The following CCDC91 variants were observed in gnomAD, a reference collection of about 807,000 sequenced individuals.
CCDC91 encodes coiled-coil domain-containing protein 91.
CCDC91 carries 48 observed loss-of-function variants against 63.2 expected under a neutral mutation model. That is an observed-to-expected ratio of 0.76 (90% CI 0.60 to 0.97). The LOEUF is 0.97. CCDC91 is among the 50% of genes least tolerant of loss of function. The pLI is 0.00. For missense variants in CCDC91, 500 were observed against 494.6 expected, an observed-to-expected ratio of 1.01 and a Z score of -0.10; for synonymous variants, 167 against 165.8, an observed-to-expected ratio of 1.01 and a Z score of -0.06.
chr12:28,236,841 T>C (rs887534115), intron 1 of CCDC91: 10 of 152,162 alleles, frequency 6.6e-5, no homozygotes, highest in African/African-American at 2.4e-4. Flanking sequence ...TTTGTGAGAT[T>C]ATTTTTCAAT....
intron 12 of CCDC91, among the ~76,000 whole-genome samples, chr12:28,507,045 TTTC>T (rs1938814767): frequency 6.6e-6 from 1 of 151,954 alleles, no homozygotes; most frequent in African/African-American, 2.4e-5. Flanking sequence ...CATGATTTAA[TTTC>T]TTAATACAGT....
At chr12:28,545,056 T>C (rs1942892514) in intron 12 of CCDC91, among the ~76,000 whole-genome samples, 1 of 152,016 alleles carries the variant, frequency 6.6e-6, no homozygotes, top group African/African-American at 2.4e-5. Flanking sequence ...GTGTAAGAGC[T>C]GAATAGAAAT....
At chr12:28,504,127 A>AT (rs1938393191) in intron 12 of CCDC91, among the ~76,000 whole-genome samples, 1 of 151,716 alleles carries the variant, frequency 6.6e-6, no homozygotes. Flanking sequence ...CCAACTCCAA[A>AT]AAAAAATAAG....
intron 12 of CCDC91, among the ~76,000 whole-genome samples, chr12:28,530,121 A>G (rs1332735313): frequency 6.6e-6 from 1 of 152,138 alleles, no homozygotes; most frequent in Non-Finnish European, 1.5e-5. Flanking sequence ...CCCCTTTAAT[A>G]TGGGGCTGAA....
intron 11 of CCDC91, among the ~76,000 whole-genome samples, chr12:28,453,483 G>A (rs959034440): frequency 4.6e-5 from 7 of 151,780 alleles, no homozygotes; most frequent in African/African-American, 7.3e-5. Flanking sequence ...TAATGAAGCC[G>A]TAAAAAGCTC....
At chr12:28,489,434 G>A (rs1951884284) in intron 12 of CCDC91, among the ~76,000 whole-genome samples, 1 of 151,884 alleles carries the variant, frequency 6.6e-6, no homozygotes, top group African/African-American at 2.4e-5. Context: ...AGAACGAAGA[G>A]TTCCAACCCA....
intron 8 of CCDC91, among the ~76,000 whole-genome samples, chr12:28,398,647 C>A (rs1331128820): frequency 6.6e-6 from 1 of 152,104 alleles, no homozygotes; most frequent in Non-Finnish European, 1.5e-5. Flanking sequence ...TATGAGAATT[C>A]TCTTTGATCT....
chr12:28,511,247 C>T (rs1251582697), intron 12 of CCDC91, among the ~76,000 whole-genome samples: 2 of 151,874 alleles, frequency 1.3e-5, no homozygotes, highest in East Asian at 1.9e-4. Flanking sequence ...CTTTCACCCA[C>T]TCCCACCCTA....
intron 6 of CCDC91, among the ~76,000 whole-genome samples, chr12:28,331,312 G>A (rs1371291253): frequency 6.6e-6 from 1 of 152,160 alleles, no homozygotes; most frequent in Non-Finnish European, 1.5e-5. Context: ...GATGAATATT[G>A]TAGACTGGGT....
chr12:28,460,811 GTA>G (rs1357516455), intron 11 of CCDC91, among the ~76,000 whole-genome samples: 1 of 151,660 alleles, frequency 6.6e-6, no homozygotes, highest in Non-Finnish European at 1.5e-5. Context: ...GTGTGTGTGT[GTA>G]TATATATATT....
intron 3 of CCDC91, among the ~76,000 whole-genome samples, chr12:28,281,636 G>A (rs531179949): frequency 2.0e-5 from 3 of 152,036 alleles, no homozygotes; most frequent in Non-Finnish European, 2.9e-5. Flanking sequence ...GTATGTGTAT[G>A]TTTCTCTGAA....
Position 28,267,875 on chromosome 12 carries a change from AT to A in CCDC91, c.109+8434del, listed in dbSNP as rs1565700779. Among the ~76,000 whole-genome samples, 28 of 78,874 alleles carry A rather than the reference AT, an allele frequency of 3.5e-4. 2 individuals are homozygous for A. Among genetic ancestry groups the A allele is most frequent in the East Asian group, 1.7e-3 (5 of 2,958 alleles). 51.7% of individuals were successfully genotyped at this position (78,874 alleles called of 152,430 possible). A position where few individuals can be genotyped will look rare whatever the true frequency, so the allele number is the denominator to read the frequency against. ...TAGTAATATATAATTATATATAATT[AT>A]ATATAATTATTATAATTATATATAA... On this transcript the variant is annotated intron_variant, in intron 3 of 12. Transcript: ENST00000536442.
chr12:28,511,657 A>G (rs1192933989), intron 12 of CCDC91, among the ~76,000 whole-genome samples: 7 of 152,000 alleles, frequency 4.6e-5, no homozygotes, highest in Non-Finnish European at 8.8e-5. Flanking sequence ...CCTCTTGCCA[A>G]AATACTTGTT....
chr12:28,271,137 C>G (rs1247754783), intron 3 of CCDC91, among the ~76,000 whole-genome samples: 2 of 152,004 alleles, frequency 1.3e-5, no homozygotes, highest in Non-Finnish European at 2.9e-5. Flanking sequence ...TGTTTGAGTT[C>G]AACTCAGGAT....
chr12:28,394,235 G>A lies in CCDC91; in HGVS notation c.762+2824G>A, dbSNP rs560414835. Reference sequence around the variant, plus strand: ...TAATCCCAGCACTTTGGGAGGCCACGGCGGGCCGATCACAAGGTCAGAAGA... The same window carrying A: ...TAATCCCAGCACTTTGGGAGGCCACAGCGGGCCGATCACAAGGTCAGAAGA... On this transcript the variant is annotated intron_variant, in intron 8 of 12. Coordinates refer to ENST00000536442, the MANE Select transcript of CCDC91 (RefSeq NM_018318.5). 4.6e-5 allele frequency among the ~76,000 whole-genome samples: 7 copies of A among 152,264 alleles called. No homozygotes were observed. The South Asian group carries it at 1.2e-3, about 27-fold the overall frequency.
intron 6 of CCDC91, among the ~76,000 whole-genome samples, chr12:28,317,547 A>G (rs1940023803): frequency 6.6e-6 from 1 of 152,024 alleles, no homozygotes; most frequent in African/African-American, 2.4e-5. Flanking sequence ...TTGAAATGAA[A>G]AAAATGTTTG....
intron 12 of CCDC91, among the ~76,000 whole-genome samples, chr12:28,536,228 A>G (rs1942165121): frequency 6.6e-6 from 1 of 152,164 alleles, no homozygotes; most frequent in East Asian, 1.9e-4. Flanking sequence ...AAGAAACAAA[A>G]GTTGCAAAAG....
intron 3 of CCDC91, chr12:28,302,630 T>C (rs1379796480): frequency 1.0e-6 from 1 of 983,434 alleles, no homozygotes; most frequent in Non-Finnish European, 1.2e-6. Flanking sequence ...CAGGGAATGT[T>C]AGTAGTATGG....
At chr12:28,266,893 A>C (rs993481455) in intron 3 of CCDC91, among the ~76,000 whole-genome samples, 1 of 151,854 alleles carries the variant, frequency 6.6e-6, no homozygotes, top group Non-Finnish European at 1.5e-5. Flanking sequence ...ACCAAAAAAA[A>C]CCACTGGAAA....
Sources: allele counts gnomAD v4.1 joint callset (sites outside exome capture counted in the v4.1 genomes callset), GRCh38; gene constraint gnomAD v4.1.1; transcripts MANE v1.5; gene names NCBI Gene and HGNC (gene_info 2026-07-23, HGNC 2026-07-21).